Variants in CPXM1 observed in about 807,000 individuals in gnomAD.
CPXM1 encodes probable carboxypeptidase X1.
A neutral mutation model predicts 80.4 loss-of-function variants in CPXM1; 72 were observed. The observed-to-expected ratio is 0.90, with a 90% CI of 0.74 to 1.09. The LOEUF is 1.09. CPXM1 is among the 50% of genes least tolerant of loss of function. CPXM1 has a pLI of 0.00. For synonymous variants in CPXM1, 403 were observed against 405.6 expected, an observed-to-expected ratio of 0.99 and a Z score of 0.08; for missense variants, 892 against 999.4, an observed-to-expected ratio of 0.89 and a Z score of 1.45.
In CPXM1 at chr20:2,800,393, G is replaced by T. The variant is rs769622857; in HGVS notation, c.172+8C>A. On this transcript the variant is annotated splice_region_variant and intron_variant, in intron 1 of 13. Transcript: ENST00000380605. ...GCGGGGGAGCGGACCGTCGGTCGGG[G>T]AACTCACCGTTAGCTGTCTCCGCCG... The T allele has an allele frequency of 3.3e-5, 50 of 1,522,000 alleles. 1 individual carries two copies. The South Asian group carries it at 5.7e-4, about 17-fold the overall frequency. The allele number at this position is 1,522,000 out of a possible 1,614,324, so 94.3% of individuals were successfully genotyped here. A position where few individuals can be genotyped will look rare whatever the true frequency, so the allele number is the denominator to read the frequency against.
At position 2,794,800 on chromosome 20, in the gene CPXM1, G is replaced by C. The variant is rs531582151; in HGVS notation, c.1861-161C>G. Among the ~76,000 whole-genome samples, 2 of 152,000 alleles carry C rather than the reference G, an allele frequency of 1.3e-5. No individual in the cohort carries two copies. The highest frequency in any genetic ancestry group is 4.2e-4 in the South Asian group (2 of 4,814). The stretch of plus-strand genomic sequence containing the variant: ...GGAAGAAAAAAAAAAAAGAAATCCT[G>C]ATTGACAAATCACATCTGGACTAAG... On this transcript the variant is annotated intron_variant, in intron 12 of 13. Coordinates refer to ENST00000380605, the MANE Select transcript of CPXM1 (RefSeq NM_019609.5). This position sits in a 1 kb window ranked among gnomAD's most constrained non-coding sequence, Gnocchi z 5.2.
At position 2,796,915 on chromosome 20, in the gene CPXM1, A is replaced by G. The variant is rs999537426; in HGVS notation, c.921+91T>C. 4 of 1,224,098 alleles carry G rather than the reference A, an allele frequency of 3.3e-6. No homozygotes were observed. The highest frequency in any genetic ancestry group is 4.8e-6 in the Non-Finnish European group (4 of 839,408). The allele number at this position is 1,224,098 out of a possible 1,614,324, so 75.8% of individuals were successfully genotyped here. ...GGAGGCAGCAGGGGCATACAAGCGC[A>G]GTCACAGCAGGTTGTGCCCCGGTGG... On this transcript the variant is annotated intron_variant, in intron 7 of 13. Transcript: ENST00000380605. The surrounding 1 kb of genome is among the most constrained non-coding windows in gnomAD (Gnocchi z 6.8).
In CPXM1 at chr20:2,798,262, A is replaced by G. The variant is rs375491403; in HGVS notation, c.480T>C (p.Asp160=). 4 of 1,613,864 alleles carry G rather than the reference A, an allele frequency of 2.5e-6. No individual in the cohort carries two copies. Among genetic ancestry groups the G allele is most frequent in the Non-Finnish European group, 3.4e-6 (4 of 1,180,036 alleles). Residue 160 remains aspartate (D), a synonymous_variant, in exon 4 of 14, where the codon GAT becomes GAC. Coordinates refer to ENST00000380605, the MANE Select transcript of CPXM1 (RefSeq NM_019609.5). ...QSGLEDGDLY[D]GAWCAEEQDA... ...CCTGCTCCTCAGCACACCAGGCTCC[A>G]TCATATAGATCGCCGTCCTCCAGGC...
chr20:2,796,201 C>A lies in CPXM1; in HGVS notation c.1243-40G>T. 6.2e-7 allele frequency: 1 copy of A among 1,608,542 alleles called. No individual in the cohort carries two copies. The highest frequency in any genetic ancestry group is 1.1e-5 in the South Asian group (1 of 90,236). On this transcript the variant is annotated intron_variant, in intron 9 of 13. Transcript: ENST00000380605. The surrounding 1 kb of genome is among the most constrained non-coding windows in gnomAD (Gnocchi z 6.8). ...GCTTGTTCAAGTCGAGCAGGTCCAG[C>A]CACCAGGGCAGAAGGACAGAGTGGC...
Position 2,798,010 on chromosome 20 carries a change from C to T in CPXM1, c.639G>A (p.Arg213=). The T allele has an allele frequency of 6.2e-7, 1 of 1,614,190 alleles. No homozygotes were observed. Among genetic ancestry groups the T allele is most frequent in the Middle Eastern group, 1.6e-4 (1 of 6,062 alleles). ...TGTGGTTCCTACTTCCCCACCAGGTCCGACTGTCATTGCTGAACTGGACCT... is the reference window on the plus strand; with the variant it reads ...TGTGGTTCCTACTTCCCCACCAGGTTCGACTGTCATTGCTGAACTGGACCT... The part of the protein sequence containing the change: ...SYKVQFSNDS[R]TWWGSRNHSS... The change falls in exon 5 of 14, where the codon CGG becomes CGA. Residue 213 remains arginine, a synonymous_variant. Transcript: ENST00000380605.
chr20:2,795,283 C>T lies in CPXM1; in HGVS notation c.1854G>A (p.Leu618=), dbSNP rs755097782. ...ENNKDALLTY[L]EQVRMGIAGV... ...GCCGGGACGCAGATCCGACCTGCTC[C>T]AGGTAGGTGAGGAGGGCGTCTTTGT... Residue 618 remains leucine (L), a synonymous_variant, in exon 12 of 14, where the codon CTG becomes CTA. Coordinates refer to ENST00000380605, the MANE Select transcript of CPXM1 (RefSeq NM_019609.5). This position sits in a 1 kb window ranked among gnomAD's most constrained non-coding sequence, Gnocchi z 5.4. 16 of 1,613,770 alleles carry T rather than the reference C, an allele frequency of 9.9e-6. No individual in the cohort carries two copies. In the East Asian group the frequency reaches 3.3e-4, roughly 34 times the overall value.
Position 2,795,251 on chromosome 20 carries a change from G to A in CPXM1, c.1860+26C>T, listed in dbSNP as rs2088492376. 1.9e-6 allele frequency: 3 copies of A among 1,608,522 alleles called. No homozygotes were observed. Among genetic ancestry groups the A allele is most frequent in the Non-Finnish European group, 1.7e-6 (2 of 1,177,050 alleles). ...TGGACAGCAGGAGTGATTCAGGCAG[G>A]CTGGGGGCCGGGACGCAGATCCGAC... On this transcript the variant is annotated intron_variant, in intron 12 of 13. Coordinates refer to ENST00000380605, the MANE Select transcript of CPXM1 (RefSeq NM_019609.5). The surrounding 1 kb of genome is among the most constrained non-coding windows in gnomAD (Gnocchi z 5.4).
chr20:2,795,367 C>T lies in CPXM1; in HGVS notation c.1770G>A (p.Val590=). 2 of 1,614,186 alleles carry T rather than the reference C, an allele frequency of 1.2e-6. No homozygotes were observed. The highest frequency in any genetic ancestry group is 1.7e-6 in the Non-Finnish European group (2 of 1,180,022). Residue 590 remains valine (V), a synonymous_variant, in exon 12 of 14, where the codon GTG becomes GTA. Transcript: ENST00000380605. The surrounding 1 kb of genome is among the most constrained non-coding windows in gnomAD (Gnocchi z 5.4). The stretch of plus-strand genomic sequence containing the variant: ...GAGGGAACTTGTCACAGGACAGCTC[C>T]ACAGTGACCTCAAAGCAGTTGGTGT... ...YLHTNCFEVT[V]ELSCDKFPHE...
chr20:2,800,021 G>A (rs1379386390), intron 1 of CPXM1, among the ~76,000 whole-genome samples: 1 of 152,216 alleles, frequency 6.6e-6, no homozygotes, highest in East Asian at 1.9e-4. Flanking sequence ...GTCTGGCAGG[G>A]AACTGGGGCT....
chr20:2,794,779 G>GA lies in CPXM1; in HGVS notation c.1861-141dup, dbSNP rs11480908. 122,656 of 459,264 alleles carry GA rather than the reference G, an allele frequency of 0.27. 3,232 individuals carry two copies. Among genetic ancestry groups the GA allele is most frequent in the South Asian group, 0.34 (13,000 of 38,306 alleles). 28.4% of individuals were successfully genotyped at this position (459,264 alleles called of 1,614,324 possible). Reference sequence around the variant, plus strand: ...TTCCTAGGTGACACTACTTCTGGAAGAAAAAAAAAAAAGAAATCCTGATTG... The same window carrying GA: ...TTCCTAGGTGACACTACTTCTGGAAGAAAAAAAAAAAAAGAAATCCTGATTG... On this transcript the variant is annotated intron_variant, in intron 12 of 13. Transcript: ENST00000380605. The surrounding 1 kb of genome is among the most constrained non-coding windows in gnomAD (Gnocchi z 5.2).
chr20:2,798,975 A>G (rs1872425940), intron 1 of CPXM1, 82 bp from the exon 2 acceptor site: 1 of 1,433,004 alleles, frequency 7.0e-7, no homozygotes, highest in Non-Finnish European at 9.6e-7. Flanking sequence ...CCAAGAAGAC[A>G]TGTGAGCCCA....
rs767745837 is a variant in CPXM1, at chr20:2,794,221, C to T, written c.2174G>A (p.Arg725His). ...CTTCTGTCCCCTTAGCCGCTCCAGG[C>T]GCCTGCGAAGGTCCGGGGGCACCTT... ...GAKVPPDLRRRLERLRGQKD is the reference protein window; with the variant it reads ...GAKVPPDLRRHLERLRGQKD Residue 725 changes from arginine (R) to histidine (H), a missense_variant, in exon 14 of 14, where the codon CGC becomes CAC. Physicochemically the swap from Arg to His is conservative, Grantham distance 29. This residue lies in a region of CPXM1 where 874 missense variants were observed against 958.4 expected (regional missense o/e 0.91). Transcript: ENST00000380605. This position sits in a 1 kb window ranked among gnomAD's most constrained non-coding sequence, Gnocchi z 5.2. 2.0e-5 allele frequency: 32 copies of T among 1,613,530 alleles called. No homozygotes were observed. Among genetic ancestry groups the T allele is most frequent in the Admixed American group, 8.3e-5 (5 of 60,008 alleles).
In CPXM1 at chr20:2,796,669, C is replaced by A. The variant is rs371403963; in HGVS notation, c.922-19G>T. The A allele has an allele frequency of 3.7e-6, 6 of 1,613,122 alleles. No homozygotes were observed. The highest frequency in any genetic ancestry group is 3.3e-4 in the Middle Eastern group (2 of 6,074). On this transcript the variant is annotated intron_variant, in intron 7 of 13. Transcript: ENST00000380605. The surrounding 1 kb of genome is among the most constrained non-coding windows in gnomAD (Gnocchi z 6.8). ...TCATCAGCTGGTGGGCAGAGTGTAG[C>A]GTGGCATGAGGCATGGGAGGGGTAC...
chr20:2,800,107 T>C (rs1271422803), intron 1 of CPXM1, among the ~76,000 whole-genome samples: 1 of 148,146 alleles, frequency 6.8e-6, no homozygotes, highest in Non-Finnish European at 1.5e-5. Flanking sequence ...GCACTGTGAG[T>C]GTGAGTGTGC....
At position 2,797,996 on chromosome 20, in the gene CPXM1, C is replaced by T; in HGVS notation, c.653G>A (p.Ser218Asn). 1 of 1,614,200 alleles carries T rather than the reference C, an allele frequency of 6.2e-7. No homozygotes were observed. Among genetic ancestry groups the T allele is most frequent in the Non-Finnish European group, 8.5e-7 (1 of 1,180,028 alleles). Reference protein sequence around the residue: ...FSNDSRTWWGSRNHSSGMDAV... With the variant: ...FSNDSRTWWGNRNHSSGMDAV... ...GTCCATCCCACTGCTGTGGTTCCTACTTCCCCACCAGGTCCGACTGTCATT... is the reference window on the plus strand; with the variant it reads ...GTCCATCCCACTGCTGTGGTTCCTATTTCCCCACCAGGTCCGACTGTCATT... The change falls in exon 5 of 14, where the codon AGT becomes AAT. Residue 218 changes from serine (S) to asparagine (N), a missense_variant. Around this residue, in one of 2 missense-constraint regions of CPXM1, gnomAD observed 874 missense variants for 958.4 expected, o/e 0.91. Coordinates refer to ENST00000380605, the MANE Select transcript of CPXM1 (RefSeq NM_019609.5).
Position 2,799,063 on chromosome 20 carries a change from C to T in CPXM1, c.173-170G>A, listed in dbSNP as rs543631884. Among the ~76,000 whole-genome samples, 21 of 152,226 alleles carry T rather than the reference C, an allele frequency of 1.4e-4. No individual in the cohort carries two copies. The South Asian group carries it at 3.7e-3, about 27-fold the overall frequency. On this transcript the variant is annotated intron_variant, in intron 1 of 13. Coordinates refer to ENST00000380605, the MANE Select transcript of CPXM1 (RefSeq NM_019609.5). ...GCAATCTGACCCCAACCTGCCTCTC[C>T]AGTCACTTCCTTGGCTCCTCCTTCT...
Position 2,798,723 on chromosome 20 carries a change from T to C in CPXM1, c.340+3A>G. 6.2e-7 allele frequency: 1 copy of C among 1,610,314 alleles called. No individual in the cohort carries two copies. ...CTGGGCTGGGCCCCTGGAGAGGAAG[T>C]ACCTGTTTCTTGTTTCTCAGCGGGG... On this transcript the variant is annotated splice_donor_region_variant and intron_variant, in intron 2 of 13. Coordinates refer to ENST00000380605, the MANE Select transcript of CPXM1 (RefSeq NM_019609.5).
chr20:2,796,800 CG>C lies in CPXM1; in HGVS notation c.922-151del. On this transcript the variant is annotated intron_variant, in intron 7 of 13. Coordinates refer to ENST00000380605, the MANE Select transcript of CPXM1 (RefSeq NM_019609.5). The surrounding 1 kb of genome is among the most constrained non-coding windows in gnomAD (Gnocchi z 6.8). ...TACAGGAGGGGAGCGGCAGCAGAGC[CG>C]GGAGGAAGGGGTAGGACTGGGGGGG... 1 of 1,229,104 alleles carries C rather than the reference CG, an allele frequency of 8.1e-7. No individual in the cohort carries two copies. The highest frequency in any genetic ancestry group is 1.1e-6 in the Non-Finnish European group (1 of 884,390). 76.1% of individuals were successfully genotyped at this position (1,229,104 alleles called of 1,614,324 possible). A position where few individuals can be genotyped will look rare whatever the true frequency, so the allele number is the denominator to read the frequency against.
At chr20:2,797,475 C>T in intron 5 of CPXM1, 133 bp from the exon 6 acceptor site, 1 of 1,014,890 alleles carries the variant, frequency 9.9e-7, no homozygotes, top group Non-Finnish European at 1.4e-6. Context: ...TTGCACTGTG[C>T]ATCAAACACA....
Sources: allele counts gnomAD v4.1 joint callset (sites outside exome capture counted in the v4.1 genomes callset), GRCh38; gene constraint gnomAD v4.1.1; regional missense constraint gnomAD v4.1.1; non-coding constraint Gnocchi (gnomAD v3.1); transcripts MANE v1.5; gene names NCBI Gene and HGNC (gene_info 2026-07-23, HGNC 2026-07-21).